The following RORA variants were observed in gnomAD, a reference collection of about 807,000 sequenced individuals.
The protein encoded by RORA is RAR related orphan receptor A.
A neutral mutation model predicts 69.5 loss-of-function variants in RORA; 7 were observed. The ratio of observed to expected loss-of-function variants is 0.10; its 90% CI spans 0.06 to 0.19. The LOEUF is 0.19. Among genes scored for constraint, RORA ranks in the 10% least tolerant of loss-of-function variants. The probability of loss-of-function intolerance (pLI) is 1.00; values close to 1 mark genes in which losing one functional copy is unlikely to be tolerated. For synonymous variants in RORA, 261 were observed against 240.8 expected, an observed-to-expected ratio of 1.08 and a Z score of -0.78; for missense variants, 457 against 663.0, an observed-to-expected ratio of 0.69 and a Z score of 3.41.
At chr15:60,989,284 T>C (rs943851009) in intron 1 of RORA, among the ~76,000 whole-genome samples, 10 of 152,216 alleles carry the variant, frequency 6.6e-5, no homozygotes, top group African/African-American at 2.2e-4. Context: ...TGGATTTGCC[T>C]ATTATGGATA....
intron 1 of RORA, among the ~76,000 whole-genome samples, chr15:61,072,984 G>C (rs372512565): frequency 8.5e-5 from 13 of 152,216 alleles, no homozygotes; most frequent in African/African-American, 3.1e-4. Flanking sequence ...ATTTATGTTT[G>C]GGTAGACCTA....
chr15:60,969,556 G>A (rs1893651074), intron 1 of RORA, among the ~76,000 whole-genome samples: 1 of 152,222 alleles, frequency 6.6e-6, no homozygotes, highest in African/African-American at 2.4e-5. Context: ...AAGGTTTTCA[G>A]TGTGGCTGGT....
chr15:60,976,033 G>A (rs1893863507), intron 1 of RORA, among the ~76,000 whole-genome samples: 2 of 152,240 alleles, frequency 1.3e-5, no homozygotes, highest in East Asian at 1.9e-4. Context: ...TAAGCTGGAG[G>A]ACTCATGTAA....
intron 1 of RORA, among the ~76,000 whole-genome samples, chr15:60,846,248 G>A (rs1429534431): frequency 6.6e-6 from 1 of 152,214 alleles, no homozygotes. Flanking sequence ...TTCCAGGTCA[G>A]AACCACATTG....
At chr15:60,568,199 G>A (rs1239564760) in intron 2 of RORA, among the ~76,000 whole-genome samples, 1 of 152,174 alleles carries the variant, frequency 6.6e-6, no homozygotes, top group Non-Finnish European at 1.5e-5. Flanking sequence ...AAAATGGATA[G>A]GACAATGCTT....
intron 2 of RORA, among the ~76,000 whole-genome samples, chr15:60,619,007 A>C (rs2069331849): frequency 6.6e-6 from 1 of 152,266 alleles, no homozygotes. Flanking sequence ...CACAGGGAAT[A>C]CTGGCACCTT....
chr15:60,570,827 C>T (rs1372446422), intron 2 of RORA, among the ~76,000 whole-genome samples: 1 of 152,156 alleles, frequency 6.6e-6, no homozygotes, highest in Non-Finnish European at 1.5e-5. Context: ...GGCTTTGCTG[C>T]TAAGTGTGTG....
chr15:60,602,925 C>A (rs937826938), intron 2 of RORA, among the ~76,000 whole-genome samples: 1 of 152,172 alleles, frequency 6.6e-6, no homozygotes, highest in African/African-American at 2.4e-5. Flanking sequence ...TTCCTCTGTG[C>A]CCCTTTATAG....
At chr15:61,151,854 A>C (rs539356335) in intron 1 of RORA, among the ~76,000 whole-genome samples, 13 of 152,296 alleles carry the variant, frequency 8.5e-5, no homozygotes, top group Middle Eastern at 3.4e-3. Context: ...TGGAAAAAAA[A>C]CCTAAATTCT....
chr15:61,050,420 CATGGTTAG>C (rs1897239418), intron 1 of RORA, among the ~76,000 whole-genome samples: 1 of 152,050 alleles, frequency 6.6e-6, no homozygotes, highest in African/African-American at 2.4e-5. Context: ...AGAAGTTTTC[CATGGTTAG>C]AATTTAATAA....
At chr15:60,607,310 C>T (rs1413362194) in intron 2 of RORA, among the ~76,000 whole-genome samples, 1 of 152,172 alleles carries the variant, frequency 6.6e-6, no homozygotes, top group African/African-American at 2.4e-5. Context: ...CCCATGAACT[C>T]TAAGAAGACA....
intron 1 of RORA, among the ~76,000 whole-genome samples, chr15:61,168,846 T>A (rs1365183425): frequency 6.6e-6 from 1 of 152,118 alleles, no homozygotes. Flanking sequence ...CCAAGCTGCA[T>A]GGGTGTAATG....
chr15:61,117,250 A>G (rs2079059085), intron 1 of RORA, among the ~76,000 whole-genome samples: 1 of 150,770 alleles, frequency 6.6e-6, no homozygotes, highest in Admixed American at 6.6e-5. Flanking sequence ...CCAGGATTGC[A>G]AGGCACAAAG....
intron 1 of RORA, among the ~76,000 whole-genome samples, chr15:60,881,428 C>G (rs2073678971): frequency 6.6e-6 from 1 of 152,250 alleles, no homozygotes; most frequent in African/African-American, 2.4e-5. Flanking sequence ...GTCCTGAAGT[C>G]TCTACTCTAC....
intron 1 of RORA, among the ~76,000 whole-genome samples, chr15:60,963,026 T>C (rs2082028939): frequency 6.6e-6 from 1 of 152,256 alleles, no homozygotes; most frequent in Non-Finnish European, 1.5e-5. Flanking sequence ...TAATCACCTC[T>C]ATGTTCCTAC....
chr15:61,025,177 C>T (rs1184213344), intron 1 of RORA, among the ~76,000 whole-genome samples: 1 of 152,128 alleles, frequency 6.6e-6, no homozygotes, highest in Admixed American at 6.5e-5. Context: ...CAGGATGCCC[C>T]TGAAAGTTCT....
At chr15:60,903,842 T>C (rs1170480114) in intron 1 of RORA, among the ~76,000 whole-genome samples, 1 of 152,242 alleles carries the variant, frequency 6.6e-6, no homozygotes, top group Admixed American at 6.5e-5. Flanking sequence ...TTCTAACATG[T>C]TAAAACTTCC....
chr15:60,707,623 A>T (rs1567163944), intron 1 of RORA, among the ~76,000 whole-genome samples: 1 of 152,106 alleles, frequency 6.6e-6, no homozygotes, highest in Admixed American at 6.5e-5. Context: ...TCGGCCTCCC[A>T]AAGTGCTGGG....
chr15:60,760,083 T>G (rs948918797), intron 1 of RORA, among the ~76,000 whole-genome samples: 2 of 152,210 alleles, frequency 1.3e-5, no homozygotes, highest in South Asian at 4.1e-4. Context: ...TCAATTTGTA[T>G]GTGTGTTTTT....
Sources: allele counts gnomAD v4.1 joint callset (sites outside exome capture counted in the v4.1 genomes callset), GRCh38; gene constraint gnomAD v4.1.1; transcripts MANE v1.5; gene names NCBI Gene and HGNC (gene_info 2026-07-23, HGNC 2026-07-21).